Variants in TRAF6 observed in about 807,000 individuals in gnomAD.
The protein encoded by TRAF6 is TNF receptor associated factor 6.
Under a neutral mutation model 48.4 loss-of-function variants are expected in TRAF6, and 10 were observed. That is an observed-to-expected ratio of 0.21 (90% CI 0.13 to 0.35). TRAF6 has a LOEUF of 0.35. Among genes scored for constraint, TRAF6 ranks in the 10% least tolerant of loss-of-function variants. The probability of loss-of-function intolerance (pLI) is 1.00; values close to 1 mark genes in which losing one functional copy is unlikely to be tolerated. For missense variants in TRAF6, 397 were observed against 661.0 expected, an observed-to-expected ratio of 0.60 and a Z score of 4.38; for synonymous variants, 186 against 219.6, an observed-to-expected ratio of 0.85 and a Z score of 1.35.
At chr11:36,498,119 C>T (rs1414464365) in intron 3 of TRAF6, among the ~76,000 whole-genome samples, 4 of 151,964 alleles carry the variant, frequency 2.6e-5, no homozygotes, top group Non-Finnish European at 5.9e-5. Context: ...CTCCTGACCT[C>T]GTGATCCGCC....
chr11:36,503,689 A>C (rs1859748371), intron 1 of TRAF6, among the ~76,000 whole-genome samples: 1 of 152,220 alleles, frequency 6.6e-6, no homozygotes, highest in Admixed American at 6.5e-5. Flanking sequence ...ATTGAAAGGA[A>C]GCAAACAATG....
At chr11:36,505,861 G>A (rs907639175) in intron 1 of TRAF6, among the ~76,000 whole-genome samples, 9 of 152,136 alleles carry the variant, frequency 5.9e-5, no homozygotes, top group African/African-American at 2.2e-4. Flanking sequence ...GAGAGGGACA[G>A]TAAGGGAACC....
intron 2 of TRAF6, among the ~76,000 whole-genome samples, 156 bp downstream of exon 2, chr11:36,501,064 A>G (rs1384124419): frequency 6.6e-6 from 1 of 152,170 alleles, no homozygotes; most frequent in Admixed American, 6.5e-5. Context: ...AAACTGGGAT[A>G]AGAATCTAAC....
chr11:36,504,057 C>T (rs981590634), intron 1 of TRAF6, among the ~76,000 whole-genome samples: 2 of 152,140 alleles, frequency 1.3e-5, no homozygotes, highest in Non-Finnish European at 2.9e-5. Context: ...AAAATGCTAG[C>T]GATCATCTGA....
intron 2 of TRAF6, among the ~76,000 whole-genome samples, chr11:36,500,370 C>T (rs1859699749): frequency 6.6e-6 from 1 of 152,066 alleles, no homozygotes; most frequent in Non-Finnish European, 1.5e-5. Flanking sequence ...GAGCTAAAGC[C>T]ACCACTCACC....
chr11:36,493,174 G>A (rs1859586558), intron 5 of TRAF6, among the ~76,000 whole-genome samples: 1 of 152,096 alleles, frequency 6.6e-6, no homozygotes, highest in African/African-American at 2.4e-5. Context: ...ATTAATAGAA[G>A]CTCTAAAAAA....
At position 36,486,640 on chromosome 11, in the gene TRAF6, C is replaced by T. The variant is rs1203155597; in HGVS notation, c.*3198G>A. Among the ~76,000 whole-genome samples the T allele has an allele frequency of 2.6e-5, 4 of 152,202 alleles. No individual in the cohort carries two copies. The highest frequency in any genetic ancestry group is 9.6e-5 in the African/African-American group (4 of 41,508). On this transcript the variant is annotated 3_prime_UTR_variant, in exon 7 of 7. Coordinates refer to ENST00000526995, the MANE Select transcript of TRAF6 (RefSeq NM_004620.4). ...CTTCATTCTGTTTCACTTTTTTCTACTATTTATCCCCAAAATAAAAGTTAA... is the reference window on the plus strand; with the variant it reads ...CTTCATTCTGTTTCACTTTTTTCTATTATTTATCCCCAAAATAAAAGTTAA...
intron 4 of TRAF6, among the ~76,000 whole-genome samples, chr11:36,495,280 T>C (rs1447031001): frequency 6.6e-6 from 1 of 152,188 alleles, no homozygotes; most frequent in Admixed American, 6.5e-5. Flanking sequence ...GGGTAGTATA[T>C]AAAAAATAAT....
At chr11:36,500,852 G>A (rs1007378879) in intron 2 of TRAF6, among the ~76,000 whole-genome samples, 10 of 152,080 alleles carry the variant, frequency 6.6e-5, no homozygotes, top group Middle Eastern at 3.4e-3. Context: ...TACAGAGTCA[G>A]TATTCTTTGT....
At chr11:36,503,624 T>C (rs1025544875) in intron 1 of TRAF6, among the ~76,000 whole-genome samples, 1 of 152,058 alleles carries the variant, frequency 6.6e-6, no homozygotes, top group Admixed American at 6.6e-5. Context: ...AAGTTAAAAA[T>C]AGCTCCCATG....
intron 2 of TRAF6, among the ~76,000 whole-genome samples, chr11:36,499,439 T>G (rs1177867514): frequency 6.6e-6 from 1 of 152,136 alleles, no homozygotes; most frequent in East Asian, 1.9e-4. Context: ...CAGACTTCTT[T>G]TTGTGGGTTG....
rs1268589159 is a variant in TRAF6 at position 36,488,775 on chromosome 11, C to G, written c.*1063G>C. 6.6e-6 allele frequency: 1 copy of G among 152,080 alleles called. No homozygotes were observed. The highest frequency in any genetic ancestry group is 2.1e-4 in the South Asian group (1 of 4,824). The allele number at this position is 152,080 out of a possible 1,614,324, so 9.4% of individuals were successfully genotyped here. On this transcript the variant is annotated 3_prime_UTR_variant, in exon 7 of 7. Coordinates refer to ENST00000526995, the MANE Select transcript of TRAF6 (RefSeq NM_004620.4). ...CTTCTAATCCTAGTTTGGTGACCTCCTAGGTATCTCCAATCATCTCCCAAG... is the reference window on the plus strand; with the variant it reads ...CTTCTAATCCTAGTTTGGTGACCTCGTAGGTATCTCCAATCATCTCCCAAG...
chr11:36,487,302 G>GTTT lies in TRAF6; in HGVS notation c.*2535_*2536insAAA, dbSNP rs2133661265. On this transcript the variant is annotated 3_prime_UTR_variant, in exon 7 of 7. Transcript: ENST00000526995. The stretch of plus-strand genomic sequence containing the variant: ...GAATAGAGTAGGAGATTGGGAAAAT[G>GTTT]TAAGGAAGAAACCAACTTTCCAGGT... 1 of 152,344 alleles carries GTTT rather than the reference G, an allele frequency of 6.6e-6. No individual in the cohort carries two copies. Among genetic ancestry groups the GTTT allele is most frequent in the South Asian group, 2.1e-4 (1 of 4,822 alleles). The allele number at this position is 152,344 out of a possible 1,614,324, so 9.4% of individuals were successfully genotyped here.
rs1031359230 is a variant in TRAF6, at chr11:36,501,385, T to C, written c.131A>G (p.Asn44Ser). 1.9e-6 allele frequency: 3 copies of C among 1,613,742 alleles called. No individual in the cohort carries two copies. The highest frequency in any genetic ancestry group is 2.5e-6 in the Non-Finnish European group (3 of 1,179,994). ...CTCCTCCATAAATGAGCTGGAGAGG[T>C]TCCCCGTGCTGGCAGTTCCACCCAC... is the stretch of plus-strand genomic sequence containing the variant. ...DSVGGTASTG[N>S]LSSSFMEEIQ... Residue 44 changes from asparagine to serine, a missense_variant, in exon 2 of 7, where the codon AAC becomes AGC. Asn to Ser is a conservative substitution (Grantham distance 46). Coordinates refer to ENST00000526995, the MANE Select transcript of TRAF6 (RefSeq NM_004620.4).
intron 5 of TRAF6, among the ~76,000 whole-genome samples, chr11:36,494,009 A>T (rs1859596259): frequency 6.6e-6 from 1 of 152,140 alleles, no homozygotes. Flanking sequence ...TTTTGTGGGT[A>T]AACTCCCCAA....
intron 6 of TRAF6, 80 bp downstream of exon 6, chr11:36,492,471 T>G: frequency 8.7e-7 from 1 of 1,146,944 alleles, no homozygotes; most frequent in Non-Finnish European, 1.3e-6. Context: ...ACATCTACAT[T>G]CTTGTTGTTA....
At chr11:36,499,548 G>A (rs932598099) in intron 2 of TRAF6, among the ~76,000 whole-genome samples, 9 of 152,118 alleles carry the variant, frequency 5.9e-5, no homozygotes, top group Non-Finnish European at 1.0e-4. Context: ...GCAGTGAGCC[G>A]AGATCGCGCC....
chr11:36,497,783 C>T (rs775941321), intron 3 of TRAF6, among the ~76,000 whole-genome samples: 8 of 151,100 alleles, frequency 5.3e-5, no homozygotes, highest in Non-Finnish European at 8.8e-5. Context: ...TTTAGAAAAA[C>T]AGAAAAAAGT....
Position 36,485,696 on chromosome 11 carries a change from A to C in TRAF6, c.*4142T>G, listed in dbSNP as rs1170909073. 6.6e-6 allele frequency among the ~76,000 whole-genome samples: 1 copy of C among 152,138 alleles called. No individual in the cohort carries two copies. The highest frequency in any genetic ancestry group is 1.5e-5 in the Non-Finnish European group (1 of 68,034). ...AAAGCTTTAAAATATTACACACACA[A>C]GTGACATTTAGTGAAACAACCAGGC... On this transcript the variant is annotated 3_prime_UTR_variant, in exon 7 of 7. Coordinates refer to ENST00000526995, the MANE Select transcript of TRAF6 (RefSeq NM_004620.4).
Sources: gnomAD v4.1 joint callset for allele counts (sites outside exome capture counted in the v4.1 genomes callset) on GRCh38, gnomAD v4.1.1 for gene constraint, MANE v1.5 for transcripts, NCBI Gene and HGNC (gene_info 2026-07-23, HGNC 2026-07-21) for gene names.